The following ABCC8 variants were observed in gnomAD, a reference collection of about 807,000 sequenced individuals.
The protein encoded by ABCC8 is ATP-binding cassette sub-family C member 8.
ABCC8 carries 137 observed loss-of-function variants against 188.0 expected under a neutral mutation model. The observed-to-expected ratio is 0.73, with a 90% CI of 0.63 to 0.84. The LOEUF is 0.84. Among genes scored for constraint, ABCC8 ranks in the 40% least tolerant of loss-of-function variants. The pLI is 0.00. For synonymous variants in ABCC8, 797 were observed against 846.5 expected (o/e 0.94, Z 1.01); for missense variants, 1,750 against 2,072.7 (o/e 0.84, Z 3.02).
chr11:17,465,814 G>A (rs890797090), intron 3 of ABCC8, among the ~76,000 whole-genome samples: 2 of 152,102 alleles, frequency 1.3e-5, no homozygotes, highest in African/African-American at 2.4e-5. Flanking sequence ...TATACCCTGA[G>A]AGCCTTCTCA....
intron 2 of ABCC8, among the ~76,000 whole-genome samples, chr11:17,473,123 C>T (rs1001184991): frequency 1.3e-5 from 2 of 152,112 alleles, no homozygotes; most frequent in Non-Finnish European, 2.9e-5. Context: ...GTGCAAAGTC[C>T]CATAGCTGGT....
intron 16 of ABCC8, among the ~76,000 whole-genome samples, chr11:17,426,008 C>A (rs1183526444): frequency 3.3e-5 from 5 of 152,186 alleles, no homozygotes; most frequent in African/African-American, 7.2e-5. Context: ...CTGCAAAGGA[C>A]ACGAACTCAA....
chr11:17,476,825 C>G lies in ABCC8; in HGVS notation c.-49G>C, dbSNP rs77498130. ...TCGGGCTCAGCTGGCTCCGCTGGCT[C>G]CGCGCGCCTGCCGCGCCTCTGTCCC... On this transcript the variant is annotated 5_prime_UTR_variant, in exon 1 of 39. Transcript: ENST00000389817. 10,107 of 1,451,118 alleles carry G rather than the reference C, an allele frequency of 7.0e-3. 447 individuals are homozygous for G. In the African/African-American group the frequency reaches 0.11, roughly 16 times the overall value. 89.9% of individuals were successfully genotyped at this position (1,451,118 alleles called of 1,614,324 possible).
At chr11:17,417,376 G>GA (rs200377342) in intron 16 of ABCC8, among the ~76,000 whole-genome samples, 6 of 150,968 alleles carry the variant, frequency 4.0e-5, no homozygotes, top group African/African-American at 4.9e-5. Flanking sequence ...TGAGGAAAAA[G>GA]AAAAAAAAAG....
intron 1 of ABCC8, 92 bp downstream of exon 1, chr11:17,476,537 G>T: frequency 6.7e-7 from 1 of 1,496,708 alleles, no homozygotes. Context: ...GTCGCGGGCC[G>T]GAAGGGGACG....
At chr11:17,405,362 G>A in intron 27 of ABCC8, 132 bp downstream of exon 27, 1 of 1,417,556 alleles carries the variant, frequency 7.1e-7, no homozygotes, top group Non-Finnish European at 9.9e-7. Context: ...ATTATAATCG[G>A]ATCGGGGACA....
At chr11:17,444,618 G>A (rs947833829) in intron 8 of ABCC8, among the ~76,000 whole-genome samples, 2 of 152,194 alleles carry the variant, frequency 1.3e-5, no homozygotes, top group African/African-American at 4.8e-5. Flanking sequence ...TTCTGCACAG[G>A]TCTGAATGGC....
chr11:17,424,792 C>G (rs1955509287), intron 16 of ABCC8, among the ~76,000 whole-genome samples: 1 of 152,200 alleles, frequency 6.6e-6, no homozygotes, highest in Admixed American at 6.5e-5. Context: ...CAGCAGTGAC[C>G]AGGTTTGAGG....
At chr11:17,434,984 C>CGTGTGTGTGTGTGT (rs57580521) in intron 10 of ABCC8, among the ~76,000 whole-genome samples, 32 of 144,756 alleles carry the variant, frequency 2.2e-4, no homozygotes, top group East Asian at 1.0e-3. Flanking sequence ...CGTGTGTTCG[C>CGTGTGTGTGTGTGT]GTGTGTGTGT....
rs1554948310 is a variant in ABCC8 at position 17,474,884 on chromosome 11, A to G, written c.290+2T>C. 1 of 1,614,096 alleles carries G rather than the reference A, an allele frequency of 6.2e-7. No homozygotes were observed. On this transcript the variant is annotated splice_donor_variant, in intron 2 of 38. Transcript: ENST00000389817. LOFTEE classifies it high-confidence loss of function. ...TTCCTGAGTCCTCAGACAGTCACTC[A>G]CCCATCAGACAGGATGCCCTCTGCA...
At chr11:17,415,268 T>G (rs756936323) in intron 18 of ABCC8, 36 bp downstream of exon 18, 1 of 1,595,362 alleles carries the variant, frequency 6.3e-7, no homozygotes, top group East Asian at 2.3e-5. Flanking sequence ...CTGGAGGGAG[T>G]TGACCCTGGG....
intron 4 of ABCC8, 137 bp downstream of exon 4, chr11:17,463,301 C>T (rs1458382125): frequency 4.0e-6 from 3 of 741,972 alleles, no homozygotes; most frequent in Non-Finnish European, 6.7e-6. Flanking sequence ...GGCCCCACTC[C>T]CCTTTACACG....
At chr11:17,423,043 C>T (rs11024284) in intron 16 of ABCC8, among the ~76,000 whole-genome samples, 25,682 of 151,860 alleles carry the variant, frequency 0.17, 2,449 homozygotes, top group African/African-American at 0.23. Flanking sequence ...TTCTAAGGCC[C>T]AGGTCTTCTC....
chr11:17,460,554 G>A lies in ABCC8; in HGVS notation c.945C>T (p.Ala315=), dbSNP rs138521721. Residue 315 remains alanine (A), a synonymous_variant, in exon 6 of 39, where the codon GCC becomes GCT. Transcript: ENST00000389817. ...FRILADLLGF[A]GPLCIFGIVD... ...CGATCCCAAAGATGCACAGTGGCCC[G>A]GCGAAGCCCAGCAGGTCGGCCAAGA... 2.6e-4 allele frequency: 424 copies of A among 1,614,018 alleles called. 1 individual carries two copies. In the African/African-American group the frequency reaches 5.3e-3, roughly 20 times the overall value.
At chr11:17,431,102 A>G in intron 11 of ABCC8, 143 bp from the exon 12 acceptor site, 28 of 1,331,224 alleles carry the variant, frequency 2.1e-5, no homozygotes, top group Non-Finnish European at 2.9e-5. Context: ...AGACACCTTC[A>G]TCATCCCCAC....
At chr11:17,415,458 T>A in intron 17 of ABCC8, 119 bp from the exon 18 acceptor site, 2 of 1,541,868 alleles carry the variant, frequency 1.3e-6, no homozygotes, top group Admixed American at 2.0e-5. Flanking sequence ...CTGGACCCAG[T>A]CTGTAGCCAC....
At position 17,393,762 on chromosome 11, in the gene ABCC8, G is replaced by A. The variant is rs1369085881; in HGVS notation, c.4546-3C>T. 6.2e-7 allele frequency: 1 copy of A among 1,614,082 alleles called. No homozygotes were observed. Among genetic ancestry groups the A allele is most frequent in the African/African-American group, 1.3e-5 (1 of 75,050 alleles). ...ACCACCTTTTGGAGGATGTTTTCCTGCCAAGTGGGGGCAACAGCTGTTGGC... is the reference window on the plus strand; with the variant it reads ...ACCACCTTTTGGAGGATGTTTTCCTACCAAGTGGGGGCAACAGCTGTTGGC... On this transcript the variant is annotated splice_region_variant and splice_polypyrimidine_tract_variant and intron_variant, in intron 37 of 38. Coordinates refer to ENST00000389817, the MANE Select transcript of ABCC8 (RefSeq NM_000352.6).
chr11:17,436,465 A>T (rs1956099946), intron 10 of ABCC8, among the ~76,000 whole-genome samples: 1 of 152,138 alleles, frequency 6.6e-6, no homozygotes, highest in African/African-American at 2.4e-5. Context: ...AAGGTGGTGG[A>T]GGGGTGGGGA....
At chr11:17,436,003 C>T (rs1956079574) in intron 10 of ABCC8, 3 of 1,529,562 alleles carry the variant, frequency 2.0e-6, no homozygotes, top group East Asian at 2.3e-5. Flanking sequence ...AAGAGACCAA[C>T]TGTAGATAGT....
Sources: gnomAD v4.1 joint callset for allele counts (sites outside exome capture counted in the v4.1 genomes callset) on GRCh38, gnomAD v4.1.1 for gene constraint, MANE v1.5 for transcripts, NCBI Gene and HGNC (gene_info 2026-07-23, HGNC 2026-07-21) for gene names.